WDR49: variants seen among roughly 807,000 people sequenced by gnomAD.
WDR49 encodes cilia- and flagella-associated protein 337.
WDR49 carries 107 observed loss-of-function variants against 119.5 expected under a neutral mutation model. The observed-to-expected ratio is 0.90, with a 90% CI of 0.77 to 1.05. The LOEUF (loss-of-function observed/expected upper bound fraction) is 1.05. Among genes scored for constraint, WDR49 ranks in the 50% least tolerant of loss-of-function variants. WDR49 has a pLI of 0.00. For synonymous variants in WDR49, 425 were observed against 418.8 expected (o/e 1.01, Z -0.18); for missense variants, 1,240 against 1,220.5 (o/e 1.02, Z -0.24).
In WDR49 at chr3:167,620,494, G is replaced by A; in HGVS notation, c.893C>T (p.Ser298Phe). ...TATATGGCAACATTTGTGACATCCA[G>A]AGAGCAGCTCTGCCCAGTTAATGGT... ...TMTINWAELL[S>F]GCHKCCHILE... is the part of the protein sequence containing the mutation. Residue 298 changes from serine to phenylalanine, a missense_variant, in exon 5 of 19, where the codon TCT (serine) becomes TTT (phenylalanine). Transcript: ENST00000682715. 6.5e-7 allele frequency: 1 copy of A among 1,536,084 alleles called. No individual in the cohort carries two copies. The highest frequency in any genetic ancestry group is 8.7e-7 in the Non-Finnish European group (1 of 1,146,750).
At chr3:167,553,743 T>A (rs185518279) in intron 10 of WDR49, among the ~76,000 whole-genome samples, 116 of 152,206 alleles carry the variant, frequency 7.6e-4, no homozygotes, top group African/African-American at 2.6e-3. Context: ...TGAGGATGAT[T>A]GAATTAGTTC....
chr3:167,611,854 A>G (rs1716354709), intron 5 of WDR49, among the ~76,000 whole-genome samples: 2 of 152,302 alleles, frequency 1.3e-5, no homozygotes, highest in African/African-American at 4.8e-5. Flanking sequence ...TATTATTAGA[A>G]CTGAAGAGAG....
At chr3:167,519,143 G>A (rs1424021574) in intron 16 of WDR49, among the ~76,000 whole-genome samples, 1 of 152,170 alleles carries the variant, frequency 6.6e-6, no homozygotes. Flanking sequence ...TGGTGAGGCT[G>A]CAGAGAGATA....
chr3:167,638,130 A>G (rs1717709255), intron 2 of WDR49, among the ~76,000 whole-genome samples: 1 of 151,602 alleles, frequency 6.6e-6, no homozygotes, highest in Non-Finnish European at 1.5e-5. Context: ...AATGGAATAT[A>G]GCCTTTAAGC....
intron 2 of WDR49, among the ~76,000 whole-genome samples, chr3:167,639,724 T>C (rs959608394): frequency 1.3e-5 from 2 of 151,828 alleles, no homozygotes; most frequent in African/African-American, 4.8e-5. Context: ...AACTGTCAGC[T>C]CTTTCTTGCT....
At chr3:167,619,131 A>C (rs1716741905) in intron 5 of WDR49, among the ~76,000 whole-genome samples, 1 of 152,210 alleles carries the variant, frequency 6.6e-6, no homozygotes, top group African/African-American at 2.4e-5. Flanking sequence ...TTATGGACTC[A>C]AATAATACAT....
In WDR49 at chr3:167,625,468, G is replaced by A. The variant is rs550555731; in HGVS notation, c.606+1384C>T. On this transcript the variant is annotated intron_variant, in intron 3 of 18. Coordinates refer to ENST00000682715, the MANE Select transcript of WDR49 (RefSeq NM_001366157.1). ...AACCAGCTCATTATTTTGAAAACTG[G>A]CAAACAAAAGTGAAAAATTAGGCAT... 2.6e-5 allele frequency among the ~76,000 whole-genome samples: 4 copies of A among 151,876 alleles called. No individual in the cohort carries two copies. The East Asian group carries it at 7.7e-4, about 29-fold the overall frequency.
intron 18 of WDR49, among the ~76,000 whole-genome samples, chr3:167,498,634 C>T (rs1277172240): frequency 6.6e-6 from 1 of 152,066 alleles, no homozygotes; most frequent in African/African-American, 2.4e-5. Flanking sequence ...TCTTATTATG[C>T]AGGTAGTCTC....
intron 6 of WDR49, among the ~76,000 whole-genome samples, chr3:167,603,863 T>C (rs899598001): frequency 1.3e-5 from 2 of 152,080 alleles, no homozygotes; most frequent in Admixed American, 1.3e-4. Flanking sequence ...TGAAAAACAG[T>C]CTACATTTTG....
chr3:167,520,487 A>G (rs1752398823), intron 16 of WDR49, among the ~76,000 whole-genome samples: 1 of 152,186 alleles, frequency 6.6e-6, no homozygotes, highest in African/African-American at 2.4e-5. Context: ...TTCCATTCCC[A>G]GCATTCTATG....
chr3:167,649,260 G>A (rs1718265016), intron 2 of WDR49, among the ~76,000 whole-genome samples: 1 of 151,898 alleles, frequency 6.6e-6, no homozygotes, highest in African/African-American at 2.4e-5. Context: ...AGAGAAGGAT[G>A]GGTCCTCCAT....
intron 16 of WDR49, among the ~76,000 whole-genome samples, chr3:167,511,323 A>G (rs1751961806): frequency 1.3e-5 from 2 of 152,234 alleles, no homozygotes; most frequent in African/African-American, 4.8e-5. Flanking sequence ...AGAAATTTTA[A>G]AGATCACAAG....
intron 7 of WDR49, among the ~76,000 whole-genome samples, chr3:167,577,065 G>A (rs1400565523): frequency 6.6e-6 from 1 of 152,076 alleles, no homozygotes; most frequent in African/African-American, 2.4e-5. Context: ...ACACCTTCAA[G>A]ACACATAAAT....
chr3:167,579,625 T>C (rs911534884), intron 7 of WDR49, among the ~76,000 whole-genome samples: 3 of 152,170 alleles, frequency 2.0e-5, no homozygotes, highest in South Asian at 2.1e-4. Flanking sequence ...CAAAGATTTT[T>C]ATTAAAGAAC....
chr3:167,595,106 C>T (rs1053593768), intron 7 of WDR49, among the ~76,000 whole-genome samples: 3 of 151,540 alleles, frequency 2.0e-5, no homozygotes, highest in African/African-American at 7.3e-5. Flanking sequence ...CATGAGTGAA[C>T]TCCCATTCAC....
At chr3:167,549,434 C>T (rs533190587) in intron 10 of WDR49, among the ~76,000 whole-genome samples, 5 of 152,104 alleles carry the variant, frequency 3.3e-5, no homozygotes, top group South Asian at 2.1e-4. Flanking sequence ...TGCATTTATC[C>T]GATGGACAGC....
chr3:167,569,421 T>C (rs1713800179), intron 8 of WDR49, among the ~76,000 whole-genome samples: 1 of 152,240 alleles, frequency 6.6e-6, no homozygotes, highest in South Asian at 2.1e-4. Context: ...ACGTATCTTT[T>C]ATGCATTCAT....
intron 5 of WDR49, among the ~76,000 whole-genome samples, chr3:167,607,829 G>A (rs1274516778): frequency 1.3e-5 from 2 of 151,894 alleles, no homozygotes; most frequent in Admixed American, 1.3e-4. Context: ...TGATCCCCAC[G>A]GGAACAGTAT....
At chr3:167,642,577 T>C (rs1169489139) in intron 2 of WDR49, among the ~76,000 whole-genome samples, 1 of 151,956 alleles carries the variant, frequency 6.6e-6, no homozygotes, top group African/African-American at 2.4e-5. Flanking sequence ...ATATAAATAT[T>C]GATTTAGATA....
Sources: allele counts gnomAD v4.1 joint callset (sites outside exome capture counted in the v4.1 genomes callset), GRCh38; gene constraint gnomAD v4.1.1; transcripts MANE v1.5; gene names NCBI Gene and HGNC (gene_info 2026-07-23, HGNC 2026-07-21).